Variants in ANTXR2 observed in about 807,000 individuals in gnomAD.
ANTXR2 encodes the protein anthrax toxin receptor 2.
Under a neutral mutation model 73.7 loss-of-function variants are expected in ANTXR2, and 44 were observed. The ratio of observed to expected loss-of-function variants is 0.60; its 90% CI spans 0.47 to 0.77. The LOEUF (loss-of-function observed/expected upper bound fraction) is 0.77, where lower values mean the gene tolerates loss of function less well. Ranked by LOEUF, ANTXR2 falls within the 30% of genes least tolerant of loss-of-function variation. The probability of loss-of-function intolerance (pLI) is 0.00; values close to 1 mark genes in which losing one functional copy is unlikely to be tolerated. For synonymous variants in ANTXR2, 217 were observed against 205.9 expected (o/e 1.05, Z -0.46); for missense variants, 604 against 592.5 (o/e 1.02, Z -0.20).
intron 7 of ANTXR2, among the ~76,000 whole-genome samples, chr4:80,041,558 C>T (rs4270541): frequency 0.38 from 56,896 of 151,670 alleles, 12,406 homozygotes; most frequent in Non-Finnish European, 0.47. Context: ...CACCCATCAA[C>T]CTGTCACCTA....
intron 10 of ANTXR2, chr4:80,024,782 G>A (rs1282944857): frequency 7.7e-6 from 3 of 391,844 alleles, no homozygotes. Context: ...TGACAGTTAA[G>A]AGACTGTAAA....
At chr4:80,059,772 A>G (rs1023451144) in intron 3 of ANTXR2, among the ~76,000 whole-genome samples, 11 of 152,026 alleles carry the variant, frequency 7.2e-5, no homozygotes, top group African/African-American at 1.2e-4. Context: ...GAGAGGAGTG[A>G]GGAAGGGAAG....
intron 16 of ANTXR2, among the ~76,000 whole-genome samples, chr4:79,911,813 T>A (rs577488400): frequency 6.6e-6 from 1 of 152,058 alleles, no homozygotes; most frequent in South Asian, 2.1e-4. Flanking sequence ...TGATTTAAAA[T>A]CATGCCCTAA....
At chr4:80,005,643 A>G (rs926097360) in intron 12 of ANTXR2, among the ~76,000 whole-genome samples, 8 of 152,050 alleles carry the variant, frequency 5.3e-5, no homozygotes, top group African/African-American at 1.9e-4. Flanking sequence ...TAGCTCACTT[A>G]ATTTCAGCTT....
At chr4:79,959,460 AATTAT>A (rs1314866660) in intron 16 of ANTXR2, among the ~76,000 whole-genome samples, 1 of 152,150 alleles carries the variant, frequency 6.6e-6, no homozygotes, top group African/African-American at 2.4e-5. Context: ...TTATATTCTT[AATTAT>A]AATAAAACTA....
At chr4:79,999,956 T>C (rs1182061105) in intron 12 of ANTXR2, among the ~76,000 whole-genome samples, 3 of 152,060 alleles carry the variant, frequency 2.0e-5, no homozygotes, top group Non-Finnish European at 2.9e-5. Context: ...TGATATGGGA[T>C]ACATGTGATT....
chr4:79,986,309 A>G (rs1390419698), intron 12 of ANTXR2, among the ~76,000 whole-genome samples: 2 of 152,162 alleles, frequency 1.3e-5, no homozygotes, highest in Non-Finnish European at 2.9e-5. Context: ...CTAATGTCAA[A>G]TGTGTCAACT....
chr4:80,012,995 G>T (rs1439887402), intron 11 of ANTXR2, among the ~76,000 whole-genome samples: 2 of 152,314 alleles, frequency 1.3e-5, no homozygotes, highest in East Asian at 3.9e-4. Context: ...ATATACAGCA[G>T]AGCTGAACAC....
At position 79,987,280 on chromosome 4, in the gene ANTXR2, A is replaced by AAC. The variant is rs564620397; in HGVS notation, c.1042-2418_1042-2417insGT. Among the ~76,000 whole-genome samples the AAC allele has an allele frequency of 1.0e-3, 158 of 150,958 alleles. 1 individual carries two copies. Among genetic ancestry groups the AAC allele is most frequent in the Non-Finnish European group, 1.9e-3 (127 of 67,194 alleles). ...AATGACATTGCCATTTTAAGAAAAA[A>AAC]AAAAAAAAAATTGAACTTCCGGAAA... is the stretch of plus-strand genomic sequence containing the variant. On this transcript the variant is annotated intron_variant, in intron 12 of 16. Coordinates refer to ENST00000403729, the MANE Select transcript of ANTXR2 (RefSeq NM_058172.6).
At chr4:80,050,480 T>C (rs1230518824) in intron 7 of ANTXR2, among the ~76,000 whole-genome samples, 1 of 151,696 alleles carries the variant, frequency 6.6e-6, no homozygotes, top group Non-Finnish European at 1.5e-5. Flanking sequence ...CTGGGTTAGT[T>C]TCCTGCCATG....
intron 16 of ANTXR2, among the ~76,000 whole-genome samples, chr4:79,974,305 A>G (rs1729541088): frequency 6.6e-6 from 1 of 152,240 alleles, no homozygotes; most frequent in South Asian, 2.1e-4. Context: ...CATCAGGCAC[A>G]CATAGAATCA....
intron 6 of ANTXR2, among the ~76,000 whole-genome samples, chr4:80,054,630 G>T (rs999992551): frequency 6.6e-6 from 1 of 151,520 alleles, no homozygotes; most frequent in Non-Finnish European, 1.5e-5. Flanking sequence ...TATCAACAGC[G>T]TGACTCAGGA....
At position 79,903,553 on chromosome 4, in the gene ANTXR2, CA is replaced by C. The variant is rs897465435; in HGVS notation, c.*3875del. 3.9e-5 allele frequency: 6 copies of C among 152,056 alleles called. No individual in the cohort carries two copies. The highest frequency in any genetic ancestry group is 8.8e-5 in the Non-Finnish European group (6 of 67,990). 9.4% of individuals were successfully genotyped at this position (152,056 alleles called of 1,614,324 possible). A position where few individuals can be genotyped will look rare whatever the true frequency, so the allele number is the denominator to read the frequency against. On this transcript the variant is annotated 3_prime_UTR_variant, in exon 17 of 17. Coordinates refer to ENST00000403729, the MANE Select transcript of ANTXR2 (RefSeq NM_058172.6). ...CAGAACCTGCTACATTATGGATTTT[CA>C]AAAACAACAACAAAAAAGTCTTTCT...
rs1732008361 is a variant in ANTXR2 at position 80,018,881 on chromosome 4, T to C, written c.945+17A>G. On this transcript the variant is annotated intron_variant, in intron 11 of 16. Transcript: ENST00000403729. ...AATTGCTTTTAAAAGATAATCTTTG[T>C]GCAAACTTTTACTTACACATTCTGT... 1.3e-6 allele frequency: 2 copies of C among 1,495,294 alleles called. No homozygotes were observed. Among genetic ancestry groups the C allele is most frequent in the South Asian group, 1.3e-5 (1 of 74,242 alleles). 92.6% of individuals were successfully genotyped at this position (1,495,294 alleles called of 1,614,324 possible).
At chr4:80,046,865 T>C (rs1266588071) in intron 7 of ANTXR2, among the ~76,000 whole-genome samples, 2 of 151,760 alleles carry the variant, frequency 1.3e-5, no homozygotes, top group Admixed American at 6.6e-5. Flanking sequence ...CTGAGAATTA[T>C]TATATTTGGA....
intron 16 of ANTXR2, among the ~76,000 whole-genome samples, chr4:79,937,428 G>A (rs1560884127): frequency 6.6e-6 from 1 of 152,126 alleles, no homozygotes; most frequent in East Asian, 1.9e-4. Context: ...AAGTTTCACT[G>A]TAACATACTC....
rs1226039613 is a variant in ANTXR2 at position 79,984,874 on chromosome 4, A to G, written c.1042-11T>C. ...AGGATCCTTAATAACCTGTCAAAAAAAATCAAATATAAAAATTTCTATGGC... is the reference window on the plus strand; with the variant it reads ...AGGATCCTTAATAACCTGTCAAAAAGAATCAAATATAAAAATTTCTATGGC... On this transcript the variant is annotated splice_polypyrimidine_tract_variant and intron_variant, in intron 12 of 16. Coordinates refer to ENST00000403729, the MANE Select transcript of ANTXR2 (RefSeq NM_058172.6). 2.5e-6 allele frequency: 4 copies of G among 1,588,842 alleles called. No individual in the cohort carries two copies. The highest frequency in any genetic ancestry group is 1.7e-4 in the Middle Eastern group (1 of 6,008).
intron 5 of ANTXR2, 53 bp downstream of exon 5, chr4:80,055,307 A>G: frequency 4.5e-6 from 7 of 1,557,238 alleles, no homozygotes; most frequent in Non-Finnish European, 6.1e-6. Flanking sequence ...ACATTCCGAG[A>G]CACACAGCGA....
chr4:80,020,383 C>CA (rs1168048199), intron 10 of ANTXR2, among the ~76,000 whole-genome samples: 149 of 142,846 alleles, frequency 1.0e-3, no homozygotes, highest in Middle Eastern at 3.7e-3. Flanking sequence ...GAGACTCTGT[C>CA]AAAAAAAAAA....
Sources: allele counts gnomAD v4.1 joint callset (sites outside exome capture counted in the v4.1 genomes callset), GRCh38; gene constraint gnomAD v4.1.1; transcripts MANE v1.5; gene names NCBI Gene and HGNC (gene_info 2026-07-23, HGNC 2026-07-21).